ALK: variants seen among roughly 807,000 people sequenced by gnomAD.
ALK encodes ALK receptor tyrosine kinase, also known as ALK tyrosine kinase receptor.
Under a neutral mutation model 163.1 loss-of-function variants are expected in ALK, and 74 were observed. The ratio of observed to expected loss-of-function variants is 0.45; its 90% CI spans 0.38 to 0.55. The LOEUF (loss-of-function observed/expected upper bound fraction) is 0.55. Among genes scored for constraint, ALK ranks in the 20% least tolerant of loss-of-function variants. The pLI is 0.00. For synonymous variants in ALK, 960 were observed against 843.2 expected, an observed-to-expected ratio of 1.14 and a Z score of -2.40; for missense variants, 2,063 against 2,105.3, an observed-to-expected ratio of 0.98 and a Z score of 0.39.
At chr2:29,327,148 G>C (rs1290960896) in intron 6 of ALK, among the ~76,000 whole-genome samples, 1 of 152,200 alleles carries the variant, frequency 6.6e-6, no homozygotes, top group Non-Finnish European at 1.5e-5. Flanking sequence ...GCAGCTGCGG[G>C]GAGCACCATG....
intron 4 of ALK, among the ~76,000 whole-genome samples, chr2:29,485,400 G>T (rs55945707): frequency 0.26 from 39,774 of 151,950 alleles, 6,194 homozygotes; most frequent in Non-Finnish European, 0.35. Context: ...ATGTATAATT[G>T]GTTCTTTTCC....
At chr2:29,421,223 T>C (rs922104864) in intron 4 of ALK, among the ~76,000 whole-genome samples, 4 of 151,494 alleles carry the variant, frequency 2.6e-5, no homozygotes, top group African/African-American at 7.4e-5. Context: ...TCTGTCCAGA[T>C]TGAGTGCAGG....
chr2:29,322,260 C>T (rs1667080347), intron 6 of ALK, among the ~76,000 whole-genome samples: 1 of 152,228 alleles, frequency 6.6e-6, no homozygotes, highest in African/African-American at 2.4e-5. Context: ...AATTATTACT[C>T]ATTTCCCCCA....
At chr2:29,901,292 C>A (rs886338483) in intron 1 of ALK, among the ~76,000 whole-genome samples, 2 of 152,226 alleles carry the variant, frequency 1.3e-5, no homozygotes, top group African/African-American at 4.8e-5. Flanking sequence ...TGCCACATTT[C>A]TCTTCTCTCC....
At chr2:29,450,761 G>A (rs115951015) in intron 4 of ALK, among the ~76,000 whole-genome samples, 2,381 of 152,252 alleles carry the variant, frequency 0.016, 35 homozygotes, top group Non-Finnish European at 0.023. Flanking sequence ...ATAATGAGAA[G>A]AGGAACCTGT....
At chr2:29,778,632 G>A (rs1005126948) in intron 1 of ALK, among the ~76,000 whole-genome samples, 1 of 152,142 alleles carries the variant, frequency 6.6e-6, no homozygotes, top group Non-Finnish European at 1.5e-5. Flanking sequence ...CTTTTTCTGT[G>A]CAGTGGCTGC....
At position 29,228,917 on chromosome 2, in the gene ALK, A is replaced by AACCCCCCCCCCC; in HGVS notation, c.2781_2782insGGGGGGGGGGGT (p.Gly924_Gly927dup). ...CCTCCGCCTCCTCCACCTGAGGAGC[A>AACCCCCCCCCCC]CCCCCCTCCACCCCCTCCGAAACCC... On this transcript the variant is annotated inframe_insertion, in exon 16 of 29. Transcript: ENST00000389048. 7.3e-7 allele frequency: 1 copy of AACCCCCCCCCCC among 1,374,996 alleles called. No individual in the cohort carries two copies. Among genetic ancestry groups the AACCCCCCCCCCC allele is most frequent in the Non-Finnish European group, 1.0e-6 (1 of 975,732 alleles). The allele number at this position is 1,374,996 out of a possible 1,614,324, so 85.2% of individuals were successfully genotyped here.
chr2:29,450,226 G>C (rs144394724), intron 4 of ALK, among the ~76,000 whole-genome samples: 1 of 152,280 alleles, frequency 6.6e-6, no homozygotes, highest in Non-Finnish European at 1.5e-5. Context: ...TGAGACCGAG[G>C]TTCAAAACCG....
intron 1 of ALK, among the ~76,000 whole-genome samples, chr2:29,834,182 C>T (rs1426181564): frequency 1.3e-5 from 2 of 152,140 alleles, no homozygotes; most frequent in Admixed American, 6.5e-5. Context: ...AGGTCAAAAC[C>T]ACTAACTTCT....
intron 4 of ALK, among the ~76,000 whole-genome samples, chr2:29,500,332 G>C (rs957370912): frequency 2.0e-5 from 3 of 151,996 alleles, no homozygotes; most frequent in Non-Finnish European, 4.4e-5. Flanking sequence ...GCACGTCCCT[G>C]CTACCGCTCT....
At chr2:29,262,756 G>C (rs1451784098) in intron 11 of ALK, among the ~76,000 whole-genome samples, 1 of 152,220 alleles carries the variant, frequency 6.6e-6, no homozygotes, top group African/African-American at 2.4e-5. Flanking sequence ...GCAGCAAGCT[G>C]GGGCTGTCTA....
At chr2:29,802,066 A>AT (rs1288023302) in intron 1 of ALK, among the ~76,000 whole-genome samples, 1 of 152,136 alleles carries the variant, frequency 6.6e-6, no homozygotes, top group Non-Finnish European at 1.5e-5. Context: ...TTCTGTTTAA[A>AT]TGTTGACTTG....
chr2:29,829,912 G>A (rs1323216827), intron 1 of ALK, among the ~76,000 whole-genome samples: 1 of 152,224 alleles, frequency 6.6e-6, no homozygotes, highest in Non-Finnish European at 1.5e-5. Context: ...TGGGAGCACA[G>A]AAGCTGTCAG....
At chr2:29,637,890 C>G (rs974411703) in intron 3 of ALK, among the ~76,000 whole-genome samples, 9 of 151,876 alleles carry the variant, frequency 5.9e-5, no homozygotes, top group Non-Finnish European at 8.8e-5. Context: ...ATCCATAATT[C>G]TTTCAACATA....
intron 3 of ALK, among the ~76,000 whole-genome samples, chr2:29,582,776 G>A (rs1165667694): frequency 2.6e-5 from 4 of 151,830 alleles, no homozygotes; most frequent in Admixed American, 6.6e-5. Context: ...AGACAGAGAC[G>A]GAACCAGAGA....
intron 9 of ALK, among the ~76,000 whole-genome samples, chr2:29,289,049 G>A (rs1451227027): frequency 2.0e-5 from 3 of 151,856 alleles, no homozygotes; most frequent in East Asian, 3.9e-4. Flanking sequence ...TTAGTTGTGT[G>A]CCTCTGGACA....
At chr2:29,536,961 G>C (rs1177452010) in intron 3 of ALK, among the ~76,000 whole-genome samples, 2 of 152,216 alleles carry the variant, frequency 1.3e-5, no homozygotes, top group African/African-American at 4.8e-5. Flanking sequence ...TTTCTCAGTA[G>C]CAGAGTGTTC....
chr2:29,860,898 A>G (rs1666271388), intron 1 of ALK, among the ~76,000 whole-genome samples: 1 of 152,176 alleles, frequency 6.6e-6, no homozygotes, highest in Non-Finnish European at 1.5e-5. Context: ...ATAGCAATAC[A>G]TATCTACATT....
chr2:29,671,803 G>A (rs1677698755), intron 3 of ALK, among the ~76,000 whole-genome samples: 1 of 151,966 alleles, frequency 6.6e-6, no homozygotes, highest in African/African-American at 2.4e-5. Context: ...TTTCTACAGG[G>A]TGTGGGGAGT....
Sources: gnomAD v4.1 joint callset for allele counts (sites outside exome capture counted in the v4.1 genomes callset) on GRCh38, gnomAD v4.1.1 for gene constraint, MANE v1.5 for transcripts, NCBI Gene and HGNC (gene_info 2026-07-23, HGNC 2026-07-21) for gene names.